PREX1: variants seen among roughly 807,000 people sequenced by gnomAD.
The protein encoded by PREX1 is phosphatidylinositol 3,4,5-trisphosphate-dependent Rac exchanger 1 protein.
Under a neutral mutation model 198.3 loss-of-function variants are expected in PREX1, and 41 were observed. The observed-to-expected ratio is 0.21, with a 90% CI of 0.16 to 0.27. The LOEUF is 0.27. Among genes scored for constraint, PREX1 ranks in the 10% least tolerant of loss-of-function variants. PREX1 has a pLI of 1.00. For synonymous variants in PREX1, 843 were observed against 887.2 expected (o/e 0.95, Z 0.89); for missense variants, 1,620 against 2,200.7 (o/e 0.74, Z 5.28).
intron 12 of PREX1, 68 bp from the exon 13 acceptor site, chr20:48,679,477 G>A: frequency 1.3e-6 from 2 of 1,505,500 alleles, no homozygotes; most frequent in Non-Finnish European, 9.2e-7. Context: ...AATCCAGGCT[G>A]ATGGGAGAGA....
intron 7 of PREX1, among the ~76,000 whole-genome samples, chr20:48,698,571 A>G (rs2089858921): frequency 6.6e-6 from 1 of 152,150 alleles, no homozygotes; most frequent in South Asian, 2.1e-4. Context: ...AGGACGTGAG[A>G]TAGACAGACC....
intron 4 of PREX1, among the ~76,000 whole-genome samples, chr20:48,731,687 T>C (rs1374632328): frequency 1.3e-5 from 2 of 152,240 alleles, no homozygotes; most frequent in Non-Finnish European, 2.9e-5. Context: ...AACAGACTCA[T>C]GACAGCTCTT....
chr20:48,792,217 T>C (rs1264390157), intron 1 of PREX1, among the ~76,000 whole-genome samples: 1 of 152,190 alleles, frequency 6.6e-6, no homozygotes, highest in Non-Finnish European at 1.5e-5. Flanking sequence ...GGCTCATGCC[T>C]GTAATCCCAG....
At chr20:48,886,910 C>G in the PREX1 span, among the ~76,000 whole-genome samples, 5 of 152,334 alleles carry the variant, frequency 3.3e-5, no homozygotes, top group South Asian at 1.0e-3. Context: ...GTTGATCTCT[C>G]TGTTGTTCTC....
At chr20:48,720,972 G>A (rs1158615550) in intron 5 of PREX1, among the ~76,000 whole-genome samples, 1 of 152,182 alleles carries the variant, frequency 6.6e-6, no homozygotes, top group East Asian at 1.9e-4. Flanking sequence ...AACCTCCCTG[G>A]ATGCAACCCC....
chr20:48,752,331 A>G (rs984476183), intron 1 of PREX1, among the ~76,000 whole-genome samples: 2 of 152,326 alleles, frequency 1.3e-5, no homozygotes, highest in South Asian at 2.1e-4. Flanking sequence ...CAACATTTTT[A>G]TAAGTAGCAT....
intron 1 of PREX1, among the ~76,000 whole-genome samples, chr20:48,779,103 C>T (rs144696770): frequency 2.0e-3 from 300 of 152,262 alleles, no homozygotes; most frequent in African/African-American, 6.9e-3. Flanking sequence ...TTACAAATGA[C>T]ATATCTGACA....
the PREX1 span, among the ~76,000 whole-genome samples, chr20:48,855,267 T>C: frequency 6.6e-6 from 1 of 152,122 alleles, no homozygotes; most frequent in Non-Finnish European, 1.5e-5. Flanking sequence ...GAAAGCAAGA[T>C]AGGGCTAGAA....
the PREX1 span, among the ~76,000 whole-genome samples, chr20:48,859,889 A>G: frequency 2.0e-5 from 3 of 152,166 alleles, no homozygotes; most frequent in African/African-American, 7.2e-5. Flanking sequence ...ATGGTGGCGC[A>G]TGCTTGTAAT....
the PREX1 span, among the ~76,000 whole-genome samples, chr20:48,842,297 A>T: frequency 2.0e-5 from 3 of 152,274 alleles, no homozygotes; most frequent in Non-Finnish European, 1.5e-5. Flanking sequence ...ACCCTGCCAC[A>T]AACACCTCTT....
At chr20:48,812,023 A>T (rs1419740282) in intron 1 of PREX1, among the ~76,000 whole-genome samples, 1 of 152,204 alleles carries the variant, frequency 6.6e-6, no homozygotes, top group African/African-American at 2.4e-5. Context: ...AAGCGAGATG[A>T]TTGGATGAGA....
intron 7 of PREX1, among the ~76,000 whole-genome samples, chr20:48,700,135 G>A (rs986304483): frequency 6.6e-6 from 1 of 152,248 alleles, no homozygotes; most frequent in Non-Finnish European, 1.5e-5. Flanking sequence ...AGAAGCACCA[G>A]TGAAAGACAC....
At chr20:48,882,891 G>A in the PREX1 span, among the ~76,000 whole-genome samples, 1 of 146,576 alleles carries the variant, frequency 6.8e-6, no homozygotes, top group Admixed American at 6.7e-5. Flanking sequence ...TTAAAGGAGT[G>A]TCTATTCAAA....
chr20:48,743,628 A>G (rs746405570), intron 3 of PREX1, among the ~76,000 whole-genome samples: 19 of 152,332 alleles, frequency 1.2e-4, no homozygotes, highest in Non-Finnish European at 1.9e-4. Flanking sequence ...ACATTTATTG[A>G]GCACTTACTG....
chr20:48,681,710 G>A (rs925401913), intron 10 of PREX1, among the ~76,000 whole-genome samples: 23 of 152,284 alleles, frequency 1.5e-4, no homozygotes, highest in East Asian at 7.7e-4. Flanking sequence ...ATGGACGGAC[G>A]GATGGATGTC....
chr20:48,838,633 GAAAAT>G, the PREX1 span, among the ~76,000 whole-genome samples: 5 of 152,136 alleles, frequency 3.3e-5, no homozygotes, highest in Non-Finnish European at 7.4e-5. Context: ...GAAAAGAGCA[GAAAAT>G]AAATTATGTG....
the PREX1 span, among the ~76,000 whole-genome samples, chr20:48,834,763 T>G: frequency 2.0e-5 from 3 of 152,188 alleles, no homozygotes; most frequent in Non-Finnish European, 2.9e-5. Context: ...TCCCACTATG[T>G]TGCCCAGGCT....
chr20:48,627,506 G>A, intron 39 of PREX1, 42 bp downstream of exon 39: 1 of 1,609,224 alleles, frequency 6.2e-7, no homozygotes, highest in Non-Finnish European at 8.5e-7. Context: ...TGGGTCGCCA[G>A]CTGGGAGTGG....
At chr20:48,641,832 GAGAGAGAGAGGAAGGA>G (rs1303053026) in intron 29 of PREX1, among the ~76,000 whole-genome samples, 2 of 122,382 alleles carry the variant, frequency 1.6e-5, no homozygotes, top group African/African-American at 6.5e-5. Flanking sequence ...GAAAGAGAGA[GAGAGAGAGAGGAAGGA>G]AGGAAGGAAG....
Sources: allele counts gnomAD v4.1 joint callset (sites outside exome capture counted in the v4.1 genomes callset), GRCh38; gene constraint gnomAD v4.1.1; transcripts MANE v1.5; gene names NCBI Gene and HGNC (gene_info 2026-07-23, HGNC 2026-07-21).